The following PFKFB3 variants were observed in gnomAD, a reference collection of about 807,000 sequenced individuals.
PFKFB3 encodes the protein 6-phosphofructo-2-kinase/fructose-2,6-bisphosphatase 3.
PFKFB3 carries 33 observed loss-of-function variants against 68.0 expected under a neutral mutation model. The observed-to-expected ratio is 0.49, with a 90% CI of 0.37 to 0.65. The LOEUF (loss-of-function observed/expected upper bound fraction) is 0.65. Among genes scored for constraint, PFKFB3 ranks in the 30% least tolerant of loss-of-function variants. PFKFB3 has a pLI of 0.00. For synonymous variants in PFKFB3, 315 were observed against 288.2 expected (o/e 1.09, Z -0.94); for missense variants, 586 against 712.2 (o/e 0.82, Z 2.02).
intron 14 of PFKFB3, chr10:6,231,298 C>T: frequency 1.1e-5 from 18 of 1,612,366 alleles, no homozygotes; most frequent in Non-Finnish European, 1.5e-5. Context: ...AAGTTTTCTC[C>T]TTACTAACTG....
intron 1 of PFKFB3, among the ~76,000 whole-genome samples, chr10:6,185,736 T>C (rs1404496171): frequency 6.7e-6 from 1 of 149,650 alleles, no homozygotes; most frequent in Non-Finnish European, 1.5e-5. Flanking sequence ...GCCTCCTGGG[T>C]TCAAGCGATT....
chr10:6,288,966 A>ATTTTTTT, the PFKFB3 span, among the ~76,000 whole-genome samples: 1 of 151,194 alleles, frequency 6.6e-6, no homozygotes, highest in Non-Finnish European at 1.5e-5. Flanking sequence ...GATGGTGAGC[A>ATTTTTTT]TTTTTTCATG....
intron 1 of PFKFB3, among the ~76,000 whole-genome samples, chr10:6,145,525 G>T (rs1444141959): frequency 6.6e-6 from 1 of 152,224 alleles, no homozygotes; most frequent in Admixed American, 6.5e-5. Context: ...GGGCGGCGGG[G>T]CCCGGGGTCC....
chr10:6,166,386 C>T (rs529703510), intron 1 of PFKFB3, among the ~76,000 whole-genome samples: 7 of 151,880 alleles, frequency 4.6e-5, no homozygotes, highest in East Asian at 2.0e-4. Flanking sequence ...AGCCACCGCC[C>T]GGCTTAGTAT....
At chr10:6,266,467 G>C in the PFKFB3 span, among the ~76,000 whole-genome samples, 2 of 152,028 alleles carry the variant, frequency 1.3e-5, no homozygotes, top group Admixed American at 6.6e-5. Flanking sequence ...ACAAGCCCTC[G>C]GTCCTAGATC....
intron 1 of PFKFB3, among the ~76,000 whole-genome samples, chr10:6,207,273 C>CA (rs954779771): frequency 6.6e-6 from 1 of 152,180 alleles, no homozygotes; most frequent in Non-Finnish European, 1.5e-5. Context: ...CCGTCTCCAC[C>CA]AAAAAAATAC....
chr10:6,158,014 G>C (rs116895033), intron 1 of PFKFB3, among the ~76,000 whole-genome samples: 1 of 151,818 alleles, frequency 6.6e-6, no homozygotes. Flanking sequence ...GGCTGGGCGC[G>C]GTGGTTCATG....
chr10:6,152,573 C>T (rs1841627388), intron 1 of PFKFB3, among the ~76,000 whole-genome samples: 1 of 152,154 alleles, frequency 6.6e-6, no homozygotes, highest in South Asian at 2.1e-4. Flanking sequence ...TGAGGAAATT[C>T]AGTAGAAAAG....
chr10:6,304,626 G>A, the PFKFB3 span, among the ~76,000 whole-genome samples: 4 of 150,944 alleles, frequency 2.6e-5, no homozygotes, highest in Non-Finnish European at 5.9e-5. Context: ...CTCCCAAAGT[G>A]CTGGGATTAC....
chr10:6,306,145 C>T, the PFKFB3 span, among the ~76,000 whole-genome samples: 5 of 152,170 alleles, frequency 3.3e-5, no homozygotes, highest in African/African-American at 4.8e-5. Flanking sequence ...GTGATCCTCC[C>T]GCCTGGGCCT....
rs368508609 is a variant in PFKFB3, at chr10:6,203,167, CCT to C, written c.-90_-89del. 8.5e-4 allele frequency: 1,305 copies of C among 1,536,666 alleles called. 24 individuals are homozygous for C. The East Asian group carries it at 0.026, about 30-fold the overall frequency. On this transcript the variant is annotated 5_prime_UTR_variant, in exon 1 of 15. Transcript: ENST00000379775. ...CCGGCCGCGCGCCGGCGCACGCCCC[CCT>C]CTCCTCCTTTGTTCCGGGGGTCGGC... is the stretch of plus-strand genomic sequence containing the variant.
rs56822740 is a variant in PFKFB3 at position 6,209,765 on chromosome 10, C to CTTTT, written c.77-3844_77-3841dup. ...CATGCCCAGCCAATACTTACCTTTT[C>CTTTT]TTTTTTTTTTTTTTTTTGAGACGGT... On this transcript the variant is annotated intron_variant, in intron 1 of 14. Coordinates refer to ENST00000379775, the MANE Select transcript of PFKFB3 (RefSeq NM_004566.4). 8.3e-3 allele frequency among the ~76,000 whole-genome samples: 1,009 copies of CTTTT among 121,228 alleles called. 38 individuals are homozygous for CTTTT. Among genetic ancestry groups the CTTTT allele is most frequent in the Non-Finnish European group, 0.013 (777 of 61,630 alleles). The allele number at this position is 121,228 out of a possible 152,430, so 79.5% of individuals were successfully genotyped here.
the PFKFB3 span, among the ~76,000 whole-genome samples, chr10:6,273,437 G>A: frequency 1.3e-5 from 2 of 152,006 alleles, no homozygotes; most frequent in Non-Finnish European, 2.9e-5. Context: ...ACAATCGCAC[G>A]GCCCTTTACA....
At chr10:6,256,713 C>G (rs1313700460), downstream of PFKFB3, among the ~76,000 whole-genome samples, 1 of 152,216 alleles carries the variant, frequency 6.6e-6, no homozygotes, top group Non-Finnish European at 1.5e-5. Context: ...CACGAAGGAA[C>G]TATTCAGTAA....
At chr10:6,245,095 C>G (rs893318808) in intron 14 of PFKFB3, among the ~76,000 whole-genome samples, 1 of 152,098 alleles carries the variant, frequency 6.6e-6, no homozygotes, top group Non-Finnish European at 1.5e-5. Flanking sequence ...TGTGGTCTAG[C>G]TCTCTTATTT....
chr10:6,255,113 G>T (rs1588573500), downstream of PFKFB3, among the ~76,000 whole-genome samples: 4 of 149,772 alleles, frequency 2.7e-5, no homozygotes, highest in Middle Eastern at 0.014. Context: ...CACTGGACCT[G>T]GCCAATCTCT....
At chr10:6,238,764 A>ATGTGTCCAT (rs1846080188), downstream of PFKFB3, among the ~76,000 whole-genome samples, 2 of 151,808 alleles carry the variant, frequency 1.3e-5, no homozygotes, top group African/African-American at 4.8e-5. Context: ...GTTCCCCTCT[A>ATGTGTCCAT]TGTGTCCATG....
the PFKFB3 span, among the ~76,000 whole-genome samples, chr10:6,324,887 C>A: frequency 6.6e-6 from 1 of 151,792 alleles, no homozygotes; most frequent in African/African-American, 2.4e-5. Flanking sequence ...ACAACTTCTT[C>A]GAGTTTTGTT....
At chr10:6,303,685 C>A in the PFKFB3 span, among the ~76,000 whole-genome samples, 1 of 150,868 alleles carries the variant, frequency 6.6e-6, no homozygotes, top group East Asian at 2.0e-4. Flanking sequence ...TGGTGGCAGG[C>A]GCTACTCGGG....
Sources: gnomAD v4.1 joint callset for allele counts (sites outside exome capture counted in the v4.1 genomes callset) on GRCh38, gnomAD v4.1.1 for gene constraint, MANE v1.5 for transcripts, NCBI Gene and HGNC (gene_info 2026-07-23, HGNC 2026-07-21) for gene names.